Variants in LRMDA observed in about 807,000 individuals in gnomAD.
LRMDA encodes the protein leucine rich melanocyte differentiation associated.
In LRMDA, 18 loss-of-function variants were observed where a neutral mutation model predicts 29.8. The observed-to-expected ratio is 0.60, with a 90% confidence interval of 0.42 to 0.90. LRMDA has a LOEUF of 0.90. Ranked by LOEUF, LRMDA falls within the 40% of genes least tolerant of loss-of-function variation. The probability of loss-of-function intolerance (pLI) is 0.00; values close to 1 mark genes in which losing one functional copy is unlikely to be tolerated. For missense variants in LRMDA, 273 were observed against 273.9 expected, an observed-to-expected ratio of 1.00 and a Z score of 0.02; for synonymous variants, 125 against 109.4, an observed-to-expected ratio of 1.14 and a Z score of -0.89.
intron 5 of LRMDA, among the ~76,000 whole-genome samples, chr10:76,262,758 A>G (rs1019085801): frequency 6.6e-6 from 1 of 152,032 alleles, no homozygotes. Flanking sequence ...TTTTTCCCCA[A>G]AGCAAACCCT....
intron 2 of LRMDA, among the ~76,000 whole-genome samples, chr10:75,699,094 G>A (rs1842274337): frequency 1.3e-5 from 2 of 152,002 alleles, no homozygotes; most frequent in Non-Finnish European, 2.9e-5. Context: ...CCAGCTACTC[G>A]GGAGGTGGAG....
At chr10:76,476,785 A>T (rs1842677536) in intron 6 of LRMDA, among the ~76,000 whole-genome samples, 1 of 152,114 alleles carries the variant, frequency 6.6e-6, no homozygotes, top group African/African-American at 2.4e-5. Flanking sequence ...TATAAACAGA[A>T]CCAAAGACAA....
intron 3 of LRMDA, among the ~76,000 whole-genome samples, chr10:76,037,960 A>G (rs1327290892): frequency 6.6e-6 from 1 of 152,178 alleles, no homozygotes; most frequent in African/African-American, 2.4e-5. Context: ...ATTTTGGTGG[A>G]ATTTTCCCTT....
At chr10:76,049,306 A>G (rs900634307) in intron 4 of LRMDA, among the ~76,000 whole-genome samples, 7 of 152,336 alleles carry the variant, frequency 4.6e-5, no homozygotes, top group South Asian at 2.1e-4. Flanking sequence ...TCTAGAGGTC[A>G]TACAAAACCA....
chr10:75,974,168 T>A (rs1466122875), intron 2 of LRMDA, among the ~76,000 whole-genome samples: 20 of 152,294 alleles, frequency 1.3e-4, no homozygotes, highest in Admixed American at 1.3e-3. Flanking sequence ...AGATATAGCA[T>A]CTCTGCCATC....
chr10:75,652,133 A>C (rs1176342554), intron 2 of LRMDA, among the ~76,000 whole-genome samples: 1 of 152,234 alleles, frequency 6.6e-6, no homozygotes, highest in East Asian at 1.9e-4. Context: ...TCCTAAAACC[A>C]GATAATTTTA....
At chr10:75,895,721 GT>G (rs1845569722) in intron 2 of LRMDA, among the ~76,000 whole-genome samples, 1 of 152,198 alleles carries the variant, frequency 6.6e-6, no homozygotes, top group Admixed American at 6.5e-5. Context: ...AAGAAATTGA[GT>G]AGGGTTTAGA....
At chr10:75,520,491 C>T (rs988393861) in intron 2 of LRMDA, among the ~76,000 whole-genome samples, 12 of 152,312 alleles carry the variant, frequency 7.9e-5, no homozygotes, top group African/African-American at 2.6e-4. Flanking sequence ...CTTGTGCCTG[C>T]CTCGTGAAGT....
chr10:75,461,737 C>T (rs1029085715), intron 2 of LRMDA, among the ~76,000 whole-genome samples: 1 of 152,202 alleles, frequency 6.6e-6, no homozygotes, highest in African/African-American at 2.4e-5. Flanking sequence ...GGAAAACTTG[C>T]AGATCTGCAG....
At chr10:75,843,937 G>GT (rs1162236561) in intron 2 of LRMDA, among the ~76,000 whole-genome samples, 3 of 152,122 alleles carry the variant, frequency 2.0e-5, no homozygotes, top group African/African-American at 7.2e-5. Flanking sequence ...GGTGCCAGAG[G>GT]TATGAGATAG....
chr10:75,822,956 A>G (rs960766973), intron 2 of LRMDA, among the ~76,000 whole-genome samples: 2 of 152,224 alleles, frequency 1.3e-5, no homozygotes, highest in Admixed American at 1.3e-4. Context: ...CTGGACTTCT[A>G]TCTCTTACCA....
At chr10:75,780,287 T>C (rs1843365730) in intron 2 of LRMDA, among the ~76,000 whole-genome samples, 1 of 152,244 alleles carries the variant, frequency 6.6e-6, no homozygotes, top group Admixed American at 6.5e-5. Flanking sequence ...CATCCCTTTT[T>C]TGCTATATTG....
intron 2 of LRMDA, among the ~76,000 whole-genome samples, chr10:75,515,889 G>A (rs1845283180): frequency 6.6e-6 from 1 of 151,894 alleles, no homozygotes; most frequent in African/African-American, 2.4e-5. Flanking sequence ...TGTGTGTGAT[G>A]TTCCTCGCCC....
At chr10:75,701,436 C>G (rs1053764677) in intron 2 of LRMDA, among the ~76,000 whole-genome samples, 2 of 152,168 alleles carry the variant, frequency 1.3e-5, no homozygotes, top group African/African-American at 2.4e-5. Flanking sequence ...GCTTCAGTCT[C>G]CTTTCTGATC....
At chr10:75,878,435 C>T (rs893886769) in intron 2 of LRMDA, among the ~76,000 whole-genome samples, 1 of 151,958 alleles carries the variant, frequency 6.6e-6, no homozygotes, top group Non-Finnish European at 1.5e-5. Context: ...CAGCTGGACT[C>T]TCCTCAGACC....
At chr10:75,677,962 GT>G (rs1841980522) in intron 2 of LRMDA, among the ~76,000 whole-genome samples, 1 of 152,172 alleles carries the variant, frequency 6.6e-6, no homozygotes, top group African/African-American at 2.4e-5. Flanking sequence ...AAGATTCAGT[GT>G]CATGTAGCTA....
intron 6 of LRMDA, among the ~76,000 whole-genome samples, chr10:76,545,638 TTTA>T (rs143193002): frequency 0.061 from 8,724 of 143,708 alleles, 356 homozygotes; most frequent in African/African-American, 0.12. Flanking sequence ...GGAACAACCT[TTTA>T]TTATTATTAT....
At chr10:76,076,925 T>C (rs1441558538) in intron 5 of LRMDA, among the ~76,000 whole-genome samples, 1 of 152,232 alleles carries the variant, frequency 6.6e-6, no homozygotes, top group African/African-American at 2.4e-5. Flanking sequence ...GATGTTGACT[T>C]GACCTAGTTT....
chr10:75,920,128 C>T (rs1268785093), intron 2 of LRMDA, among the ~76,000 whole-genome samples: 1 of 152,094 alleles, frequency 6.6e-6, no homozygotes, highest in East Asian at 1.9e-4. Context: ...AGTCTCTAGG[C>T]CTAGTAAGTA....
Sources: gnomAD v4.1 joint callset for allele counts (sites outside exome capture counted in the v4.1 genomes callset) on GRCh38, gnomAD v4.1.1 for gene constraint, MANE v1.5 for transcripts, NCBI Gene and HGNC (gene_info 2026-07-23, HGNC 2026-07-21) for gene names.